The following ADAMTS8 variants were observed in gnomAD, a reference collection of about 807,000 sequenced individuals.
ADAMTS8 encodes A disintegrin and metalloproteinase with thrombospondin motifs 8.
In ADAMTS8, 50 loss-of-function variants were observed where a neutral mutation model predicts 64.4. That is an observed-to-expected ratio of 0.78 (90% CI 0.62 to 0.98). ADAMTS8 has a LOEUF of 0.98. Ranked by LOEUF, ADAMTS8 falls within the 50% of genes least tolerant of loss-of-function variation. The pLI, the probability that ADAMTS8 is intolerant of heterozygous loss-of-function variation, is 0.00. For synonymous variants in ADAMTS8, 556 were observed against 533.6 expected, an observed-to-expected ratio of 1.04 and a Z score of -0.58; for missense variants, 1,192 against 1,208.2, an observed-to-expected ratio of 0.99 and a Z score of 0.20.
In ADAMTS8 at chr11:130,427,626, C is replaced by A. The variant is rs368495139; in HGVS notation, c.661G>T (p.Val221Leu). Residue 221 changes from valine to leucine, a missense_variant, in exon 1 of 9, where the codon GTG becomes TTG. Coordinates refer to ENST00000257359, the MANE Select transcript of ADAMTS8 (RefSeq NM_007037.6). ...TKRFVSEARF[V>L]ETLLVADASM... ...GCATCGGCCACCAGCAGCGTCTCCACGAAGCGCGCCTCAGACACAAACCGC... is the reference window on the plus strand; with the variant it reads ...GCATCGGCCACCAGCAGCGTCTCCAAGAAGCGCGCCTCAGACACAAACCGC... 1 of 1,565,124 alleles carries A rather than the reference C, an allele frequency of 6.4e-7. No individual in the cohort carries two copies. The highest frequency in any genetic ancestry group is 2.4e-5 in the East Asian group (1 of 42,292).
rs1861867118 is a variant in ADAMTS8 at position 130,405,586 on chromosome 11, G to C, written c.2642C>G (p.Pro881Arg). The change falls in exon 9 of 9, where the codon CCC becomes CGC. Residue 881 changes from proline (P) to arginine (R), a missense_variant. By Grantham distance (103) the Pro-to-Arg change is moderately radical. This residue lies in a region of ADAMTS8 where 147 missense variants were observed against 154.1 expected (regional missense o/e 0.95). Transcript: ENST00000257359. Reference sequence around the variant, plus strand: ...CAGGGGGCACAGCTGGCTTTCGCAGGGCTTGGCATCCTCGGGTTTCAGAGC... The same window carrying C: ...CAGGGGGCACAGCTGGCTTTCGCAGCGCTTGGCATCCTCGGGTTTCAGAGC... ...NKALKPEDAKPCESQLCPL is the reference protein window; with the variant it reads ...NKALKPEDAKRCESQLCPL The C allele has an allele frequency of 9.9e-6, 16 of 1,608,732 alleles. No individual in the cohort carries two copies. Among genetic ancestry groups the C allele is most frequent in the African/African-American group, 1.3e-5 (1 of 74,934 alleles).
Position 130,411,734 on chromosome 11 carries a change from C to T in ADAMTS8, c.1567-134G>A. 1.1e-6 allele frequency: 1 copy of T among 895,474 alleles called. No individual in the cohort carries two copies. Among genetic ancestry groups the T allele is most frequent in the Non-Finnish European group, 1.7e-6 (1 of 594,396 alleles). 55.5% of individuals were successfully genotyped at this position (895,474 alleles called of 1,614,324 possible). ...TGGTGCATGGAGTGCCGTAAACTGC[C>T]TCAATCATTTGTTTAATGACTGTGT... On this transcript the variant is annotated intron_variant, in intron 5 of 8. Transcript: ENST00000257359. The surrounding 1 kb of genome is among the most constrained non-coding windows in gnomAD (Gnocchi z 4.2).
intron 1 of ADAMTS8, among the ~76,000 whole-genome samples, chr11:130,421,842 A>T (rs1592134188): frequency 6.6e-6 from 1 of 152,116 alleles, no homozygotes; most frequent in East Asian, 1.9e-4. Flanking sequence ...GTCAAGGAGG[A>T]AGTCAGATGG....
In ADAMTS8 at chr11:130,427,745, T is replaced by C; in HGVS notation, c.542A>G (p.Asp181Gly). The C allele has an allele frequency of 2.5e-6, 4 of 1,595,528 alleles. No homozygotes were observed. The highest frequency in any genetic ancestry group is 3.4e-6 in the Non-Finnish European group (4 of 1,172,038). The change falls in exon 1 of 9, where the codon GAC becomes GGC. Residue 181 changes from aspartate to glycine, a missense_variant. This residue lies in a region of ADAMTS8 where 741 missense variants were observed against 710.6 expected (regional missense o/e 1.04). Coordinates refer to ENST00000257359, the MANE Select transcript of ADAMTS8 (RefSeq NM_007037.6). Reference protein sequence around the residue: ...TGEGQRQERGDHQEDSEEESQ... With the variant: ...TGEGQRQERGGHQEDSEEESQ... ...CTCCTCCTCGCTGTCCTCCTGGTGG[T>C]CTCCTCTCTCCTGCCTCTGACCCTC... is the stretch of plus-strand genomic sequence containing the variant.
chr11:130,420,957 A>G (rs1257903063), intron 1 of ADAMTS8, among the ~76,000 whole-genome samples: 1 of 152,040 alleles, frequency 6.6e-6, no homozygotes, highest in African/African-American at 2.4e-5. Flanking sequence ...TGATCTCTCT[A>G]AGAAGGACCA....
At chr11:130,421,395 G>A (rs980958322) in intron 1 of ADAMTS8, among the ~76,000 whole-genome samples, 1 of 152,172 alleles carries the variant, frequency 6.6e-6, no homozygotes, top group African/African-American at 2.4e-5. Context: ...TCATATCATT[G>A]TCTTCTCCAG....
chr11:130,413,595 G>T (rs981242664), intron 5 of ADAMTS8, among the ~76,000 whole-genome samples: 3 of 152,150 alleles, frequency 2.0e-5, no homozygotes, highest in African/African-American at 7.2e-5. Flanking sequence ...TCAGAGCAGG[G>T]CAAAGAAGTG....
At chr11:130,423,747 A>C (rs1862128877) in intron 1 of ADAMTS8, among the ~76,000 whole-genome samples, 1 of 152,230 alleles carries the variant, frequency 6.6e-6, no homozygotes, top group Admixed American at 6.5e-5. Context: ...CAGGCGTCCC[A>C]GGCTGGCGAG....
intron 6 of ADAMTS8, among the ~76,000 whole-genome samples, chr11:130,409,686 A>G (rs1247178888): frequency 6.6e-6 from 1 of 152,216 alleles, no homozygotes; most frequent in East Asian, 1.9e-4. Context: ...TGCTGGCTTC[A>G]TGGGGACCTG....
At chr11:130,424,393 C>T (rs1862136613) in intron 1 of ADAMTS8, among the ~76,000 whole-genome samples, 1 of 152,184 alleles carries the variant, frequency 6.6e-6, no homozygotes. Flanking sequence ...GTGAATTGAA[C>T]ACGCTCAGAG....
rs1862027097 is a variant in ADAMTS8 at position 130,416,491 on chromosome 11, G to A, written c.1097-161C>T. 6.6e-6 allele frequency among the ~76,000 whole-genome samples: 1 copy of A among 152,206 alleles called. No individual in the cohort carries two copies. Among genetic ancestry groups the A allele is most frequent in the Non-Finnish European group, 1.5e-5 (1 of 68,034 alleles). On this transcript the variant is annotated intron_variant, in intron 3 of 8. Coordinates refer to ENST00000257359, the MANE Select transcript of ADAMTS8 (RefSeq NM_007037.6). The surrounding 1 kb of genome is among the most constrained non-coding windows in gnomAD (Gnocchi z 4.8). ...CCCCTGCGCTTTGCTCTTCCAGGAC[G>A]CGTTCTCAGATGACTAAGAAACACG...
At chr11:130,406,492 G>A (rs1289567635) in intron 8 of ADAMTS8, among the ~76,000 whole-genome samples, 1 of 152,158 alleles carries the variant, frequency 6.6e-6, no homozygotes, top group African/African-American at 2.4e-5. Context: ...AATACCTCTA[G>A]CTCCTTGCAC....
intron 1 of ADAMTS8, among the ~76,000 whole-genome samples, chr11:130,425,724 C>T (rs1289345206): frequency 2.0e-5 from 3 of 151,992 alleles, no homozygotes; most frequent in East Asian, 3.9e-4. Context: ...CCTCAGCCTC[C>T]CGAGTAGCTG....
intron 1 of ADAMTS8, among the ~76,000 whole-genome samples, chr11:130,425,121 A>G (rs906771508): frequency 2.6e-5 from 4 of 152,146 alleles, no homozygotes. Flanking sequence ...CGGGGCAAGC[A>G]GGAGCCACAT....
In ADAMTS8 at chr11:130,416,826, G is replaced by A; in HGVS notation, c.1096+114C>T. The A allele has an allele frequency of 6.7e-7, 1 of 1,499,262 alleles. No homozygotes were observed. Among genetic ancestry groups the A allele is most frequent in the Non-Finnish European group, 9.1e-7 (1 of 1,095,616 alleles). The allele number at this position is 1,499,262 out of a possible 1,614,324, so 92.9% of individuals were successfully genotyped here. On this transcript the variant is annotated intron_variant, in intron 3 of 8. Transcript: ENST00000257359. The surrounding 1 kb of genome is among the most constrained non-coding windows in gnomAD (Gnocchi z 4.8). ...TATACAGTCACCCTGTCAAAATTAG[G>A]AGGAGCTATTCCTAAGCAAGGGCCG...
chr11:130,408,467 G>T lies in ADAMTS8; in HGVS notation c.2096C>A (p.Thr699Asn), dbSNP rs373331791. ...CRKVSGSLTPTNYGYNDIVTI... is the reference protein window; with the variant it reads ...CRKVSGSLTPNNYGYNDIVTI... ...CAGAACTTCTGGGGAGACTCACTTG[G>T]TGGGGGTGAGGGACCCGGAGACCTT... Residue 699 changes from threonine (T) to asparagine (N), a missense_variant, in exon 8 of 9, where the codon ACC becomes AAC. Physicochemically the swap from Thr to Asn is moderately conservative, Grantham distance 65. Transcript: ENST00000257359. The T allele has an allele frequency of 9.3e-6, 15 of 1,613,362 alleles. No individual in the cohort carries two copies. The African/African-American group carries it at 1.7e-4, about 19-fold the overall frequency.
At chr11:130,425,193 G>A (rs982712537) in intron 1 of ADAMTS8, among the ~76,000 whole-genome samples, 6 of 152,078 alleles carry the variant, frequency 3.9e-5, no homozygotes, top group African/African-American at 7.2e-5. Context: ...AGAGAAAGCC[G>A]AATTGTCTGG....
intron 8 of ADAMTS8, among the ~76,000 whole-genome samples, chr11:130,407,639 G>A (rs918140320): frequency 8.5e-5 from 13 of 152,198 alleles, no homozygotes; most frequent in Non-Finnish European, 1.9e-4. Context: ...TTGATGTACT[G>A]GAGGCAGACA....
chr11:130,428,218 C>G lies in ADAMTS8; in HGVS notation c.69G>C (p.Leu23=). Residue 23 remains leucine (L), a synonymous_variant, in exon 1 of 9, where the codon CTG becomes CTC. Transcript: ENST00000257359. ...LLLLLLLLLP[L]ARGAPARPAA... Reference sequence around the variant, plus strand: ...CGGGCCGGGCCGGGGCGCCGCGGGCCAGCGGCAGCAGCAGCAGCAGCAGCA... The same window carrying G: ...CGGGCCGGGCCGGGGCGCCGCGGGCGAGCGGCAGCAGCAGCAGCAGCAGCA... 4 of 1,192,736 alleles carry G rather than the reference C, an allele frequency of 3.4e-6. No homozygotes were observed. Among genetic ancestry groups the G allele is most frequent in the Non-Finnish European group, 4.1e-6 (4 of 972,784 alleles). The allele number at this position is 1,192,736 out of a possible 1,614,324, so 73.9% of individuals were successfully genotyped here.
Sources: allele counts gnomAD v4.1 joint callset (sites outside exome capture counted in the v4.1 genomes callset), GRCh38; gene constraint gnomAD v4.1.1; regional missense constraint gnomAD v4.1.1; non-coding constraint Gnocchi (gnomAD v3.1); transcripts MANE v1.5; gene names NCBI Gene and HGNC (gene_info 2026-07-23, HGNC 2026-07-21).